The following PSMD13 variants were observed in gnomAD, a reference collection of about 807,000 sequenced individuals.
The protein encoded by PSMD13 is proteasome 26S subunit, non-ATPase 13.
Under a neutral mutation model 57.4 loss-of-function variants are expected in PSMD13, and 8 were observed. The observed-to-expected ratio is 0.14, with a 90% confidence interval of 0.08 to 0.25. The LOEUF (loss-of-function observed/expected upper bound fraction) is 0.25. Among genes scored for constraint, PSMD13 ranks in the 10% least tolerant of loss-of-function variants. The pLI is 1.00. For missense variants in PSMD13, 400 were observed against 461.5 expected (o/e 0.87, Z 1.22); for synonymous variants, 193 against 168.2 (o/e 1.15, Z -1.14).
chr11:240,708 G>A (rs945855250), intron 2 of PSMD13, among the ~76,000 whole-genome samples: 1 of 152,210 alleles, frequency 6.6e-6, no homozygotes, highest in Non-Finnish European at 1.5e-5. Context: ...TCTGGACTTA[G>A]TGGGCTTCTT....
At chr11:241,569 G>C (rs1429951888) in intron 2 of PSMD13, among the ~76,000 whole-genome samples, 1 of 152,142 alleles carries the variant, frequency 6.6e-6, no homozygotes, top group Admixed American at 6.5e-5. Flanking sequence ...CAAAGTTAAG[G>C]TCATTTGGAG....
At chr11:243,909 TG>T in intron 2 of PSMD13, 131 bp from the exon 3 acceptor site, 1 of 804,712 alleles carries the variant, frequency 1.2e-6, no homozygotes, top group Non-Finnish European at 2.0e-6. Flanking sequence ...TACTGTGTGC[TG>T]GGCACTGTGG....
rs569832427 is a variant in PSMD13, at chr11:245,986, G to A, written c.396+1225G>A. On this transcript the variant is annotated intron_variant, in intron 6 of 12. Transcript: ENST00000532097. The stretch of plus-strand genomic sequence containing the variant: ...GAATGAAGCCACACGGCACAGTCAG[G>A]GTCCCAGTACCCTTCAGACCACACT... 2.0e-5 allele frequency among the ~76,000 whole-genome samples: 3 copies of A among 152,152 alleles called. No individual in the cohort carries two copies. The South Asian group carries it at 6.2e-4, about 32-fold the overall frequency.
chr11:248,694 T>C, intron 7 of PSMD13, 82 bp from the exon 8 acceptor site: 1 of 1,357,036 alleles, frequency 7.4e-7, no homozygotes, highest in Admixed American at 1.8e-5. Context: ...GTTTTTTTAC[T>C]TTTTGTTATA....
intron 2 of PSMD13, among the ~76,000 whole-genome samples, chr11:240,570 GT>G (rs1859492788): frequency 6.6e-6 from 1 of 152,154 alleles, no homozygotes; most frequent in Admixed American, 6.5e-5. Context: ...GTTTATTTAG[GT>G]TGGCAGATCT....
intron 6 of PSMD13, among the ~76,000 whole-genome samples, chr11:245,090 G>A (rs1859603197): frequency 1.3e-5 from 2 of 152,020 alleles, no homozygotes; most frequent in African/African-American, 2.4e-5. Context: ...ACAGGCGCGT[G>A]CCTCCCTGCC....
At chr11:247,996 G>GT (rs1200947010) in intron 7 of PSMD13, 2 of 152,756 alleles carry the variant, frequency 1.3e-5, no homozygotes, top group African/African-American at 4.8e-5. Flanking sequence ...CCCTTCTCCA[G>GT]TCCCTCACTG....
chr11:249,465 A>T (rs764675380), intron 9 of PSMD13, among the ~76,000 whole-genome samples: 1 of 151,966 alleles, frequency 6.6e-6, no homozygotes, highest in Non-Finnish European at 1.5e-5. Flanking sequence ...GTGTGAGGCT[A>T]ACATGAGTGG....
chr11:244,297 T>C (rs1859585417), intron 4 of PSMD13, 81 bp downstream of exon 4: 1 of 1,587,178 alleles, frequency 6.3e-7, no homozygotes, highest in Non-Finnish European at 8.5e-7. Flanking sequence ...ACTTTTGTGT[T>C]TTCTGTATCA....
chr11:243,605 T>G (rs1482239828), intron 2 of PSMD13: 2 of 381,946 alleles, frequency 5.2e-6, no homozygotes, highest in Non-Finnish European at 1.0e-5. Context: ...AATAAACCTG[T>G]CCTGGTAGGC....
chr11:243,365 G>A, intron 2 of PSMD13: 1 of 345,558 alleles, frequency 2.9e-6, no homozygotes, highest in Admixed American at 3.7e-5. Context: ...AAGTCCAACT[G>A]CTAAACATAG....
At chr11:237,969 GT>G (rs1859391484) in intron 1 of PSMD13, among the ~76,000 whole-genome samples, 2 of 152,208 alleles carry the variant, frequency 1.3e-5, no homozygotes, top group South Asian at 4.1e-4. Context: ...TTTTGATGAT[GT>G]TTAGCATTCA....
At position 243,117 on chromosome 11, in the gene PSMD13, T is replaced by G. The variant is rs561248080; in HGVS notation, c.175-924T>G. 71 of 594,410 alleles carry G rather than the reference T, an allele frequency of 1.2e-4. No individual in the cohort carries two copies. In the East Asian group the frequency reaches 2.2e-3, roughly 18 times the overall value. The allele number at this position is 594,410 out of a possible 1,614,324, so 36.8% of individuals were successfully genotyped here. On this transcript the variant is annotated intron_variant, in intron 2 of 12. Coordinates refer to ENST00000532097, the MANE Select transcript of PSMD13 (RefSeq NM_002817.4). Reference sequence around the variant, plus strand: ...ATGGTTACGTCTTTTTCTTTCCCTTTTTTTACTTCCCTCTCCTTGTTGAAG... The same window carrying G: ...ATGGTTACGTCTTTTTCTTTCCCTTGTTTTACTTCCCTCTCCTTGTTGAAG...
At chr11:249,379 T>A (rs1172142423) in intron 9 of PSMD13, among the ~76,000 whole-genome samples, 2 of 151,474 alleles carry the variant, frequency 1.3e-5, no homozygotes, top group Non-Finnish European at 2.9e-5. Flanking sequence ...TAGGAATGAG[T>A]GAAGAGGTAC....
chr11:239,144 C>G, intron 2 of PSMD13, 68 bp downstream of exon 2: 1 of 1,330,146 alleles, frequency 7.5e-7, no homozygotes, highest in Middle Eastern at 1.8e-4. Flanking sequence ...ATAAGATAGG[C>G]TTTATGCTAA....
At chr11:242,553 A>T (rs993952794) in intron 2 of PSMD13, among the ~76,000 whole-genome samples, 2 of 129,378 alleles carry the variant, frequency 1.5e-5, no homozygotes, top group African/African-American at 3.5e-5. Context: ...CTTCCAAAAA[A>T]ACTGCGTTGA....
intron 6 of PSMD13, among the ~76,000 whole-genome samples, chr11:245,961 G>A (rs564431234): frequency 1.8e-4 from 27 of 152,192 alleles, no homozygotes; most frequent in African/African-American, 5.3e-4. Context: ...GCTTAGGAAG[G>A]AATGAAGCCA....
In PSMD13 at chr11:251,495, C is replaced by T. The variant is rs1187794518; in HGVS notation, c.838-51C>T. 2.7e-6 allele frequency: 4 copies of T among 1,457,280 alleles called. No homozygotes were observed. Among genetic ancestry groups the T allele is most frequent in the Non-Finnish European group, 3.8e-6 (4 of 1,054,182 alleles). The allele number at this position is 1,457,280 out of a possible 1,614,324, so 90.3% of individuals were successfully genotyped here. On this transcript the variant is annotated intron_variant, in intron 10 of 12. Coordinates refer to ENST00000532097, the MANE Select transcript of PSMD13 (RefSeq NM_002817.4). The surrounding 1 kb of genome is among the most constrained non-coding windows in gnomAD (Gnocchi z 4.6). The stretch of plus-strand genomic sequence containing the variant: ...TTGACAAAACATCCTTATCAGTTCT[C>T]TATTTTTATTTGGAAAAATAGTTTA...
chr11:239,515 A>G (rs755479764), intron 2 of PSMD13, among the ~76,000 whole-genome samples: 3 of 152,162 alleles, frequency 2.0e-5, no homozygotes, highest in Non-Finnish European at 4.4e-5. Flanking sequence ...TGGGAATCTT[A>G]GATAACTTCC....
Sources: allele counts gnomAD v4.1 joint callset (sites outside exome capture counted in the v4.1 genomes callset), GRCh38; gene constraint gnomAD v4.1.1; non-coding constraint Gnocchi (gnomAD v3.1); transcripts MANE v1.5; gene names NCBI Gene and HGNC (gene_info 2026-07-23, HGNC 2026-07-21).